Variants in WRN observed in about 807,000 individuals in gnomAD.
The protein encoded by WRN is bifunctional 3'-5' exonuclease/ATP-dependent helicase WRN.
In WRN, 149 loss-of-function variants were observed where a neutral mutation model predicts 180.7. The ratio of observed to expected loss-of-function variants is 0.82; its 90% confidence interval spans 0.72 to 0.94. The LOEUF (loss-of-function observed/expected upper bound fraction) is 0.94, where lower values mean the gene tolerates loss of function less well. WRN is among the 40% of genes least tolerant of loss of function. The pLI, the probability that WRN is intolerant of heterozygous loss-of-function variation, is 0.00. For missense variants in WRN, 1,661 were observed against 1,700.1 expected, an observed-to-expected ratio of 0.98 and a Z score of 0.40; for synonymous variants, 548 against 568.9, an observed-to-expected ratio of 0.96 and a Z score of 0.52.
At chr8:31,060,657 A>T (rs1304890014) in intron 3 of WRN, among the ~76,000 whole-genome samples, 1 of 152,210 alleles carries the variant, frequency 6.6e-6, no homozygotes, top group Non-Finnish European at 1.5e-5. Flanking sequence ...TACTACAGTT[A>T]TCTGGCCACT....
In WRN at chr8:31,114,934, C is replaced by T. The variant is rs1021955413; in HGVS notation, c.2274-1420C>T. Among the ~76,000 whole-genome samples, 19 of 142,734 alleles carry T rather than the reference C, an allele frequency of 1.3e-4. 1 individual carries two copies. Among genetic ancestry groups the T allele is most frequent in the African/African-American group, 3.1e-4 (12 of 38,496 alleles). The allele number at this position is 142,734 out of a possible 152,430, so 93.6% of individuals were successfully genotyped here. A position where few individuals can be genotyped will look rare whatever the true frequency, so the allele number is the denominator to read the frequency against. ...TTTTTGACATGGAGTCTTGCTCTGT[C>T]GCCCAGGCTGTAATGCAGTGGCGGG... On this transcript the variant is annotated intron_variant, in intron 19 of 34. Transcript: ENST00000298139.
rs565541994 is a variant in WRN, at chr8:31,152,093, A to T, written c.3687+1638A>T. Among the ~76,000 whole-genome samples the T allele has an allele frequency of 2.0e-5, 3 of 152,310 alleles. No individual in the cohort carries two copies. In the East Asian group the frequency reaches 5.8e-4, roughly 29 times the overall value. On this transcript the variant is annotated intron_variant, in intron 31 of 34. Transcript: ENST00000298139. Reference sequence around the variant, plus strand: ...GTAATGATATAATCCATAAATGTACAATTAAAGAGTTTAAGGATATCCAAA... The same window carrying T: ...GTAATGATATAATCCATAAATGTACTATTAAAGAGTTTAAGGATATCCAAA...
At position 31,163,670 on chromosome 8, in the gene WRN, A is replaced by G. The variant is rs1803725787; in HGVS notation, c.3983-3352A>G. Among the ~76,000 whole-genome samples, 4 of 152,260 alleles carry G rather than the reference A, an allele frequency of 2.6e-5. No individual in the cohort carries two copies. The South Asian group carries it at 8.3e-4, about 32-fold the overall frequency. On this transcript the variant is annotated intron_variant, in intron 33 of 34. Transcript: ENST00000298139. ...TTTAAATACCCCTTACCTTTAAAGT[A>G]AGAAATATTAAAATCAAGCAGAATA...
At position 31,096,865 on chromosome 8, in the gene WRN, A is replaced by G. The variant is rs1302856718; in HGVS notation, c.1981+15A>G. The G allele has an allele frequency of 6.2e-7, 1 of 1,606,164 alleles. No homozygotes were observed. The highest frequency in any genetic ancestry group is 1.1e-5 in the South Asian group (1 of 90,922). On this transcript the variant is annotated intron_variant, in intron 17 of 34. Coordinates refer to ENST00000298139, the MANE Select transcript of WRN (RefSeq NM_000553.6). ...GGCTGATATTGGTAAGTGATAAAGA[A>G]AGATCTCTGTAAATACTTACTGAGT...
Position 31,124,624 on chromosome 8 carries a change from G to C in WRN, c.2732+1G>C, listed in dbSNP as rs1047229701. 1.2e-6 allele frequency: 2 copies of C among 1,603,536 alleles called. No homozygotes were observed. Among genetic ancestry groups the C allele is most frequent in the Non-Finnish European group, 1.7e-6 (2 of 1,170,856 alleles). ...TTCATTCTAGCAGATGTAGGAGACA[G>C]TATGTATTATTTATTTTATGCCAAT... On this transcript the variant is annotated splice_donor_variant, in intron 22 of 34. Coordinates refer to ENST00000298139, the MANE Select transcript of WRN (RefSeq NM_000553.6). LOFTEE classifies it high-confidence loss of function.
chr8:31,120,550 A>AG (rs1189063679), intron 21 of WRN, 126 bp downstream of exon 21: 1 of 991,454 alleles, frequency 1.0e-6, no homozygotes, highest in Non-Finnish European at 1.4e-6. Flanking sequence ...GTAAAAAAAA[A>AG]AAAAAAGAAA....
At chr8:31,146,971 C>T (rs1474732397) in intron 28 of WRN, 82 bp from the exon 29 acceptor site, 1 of 1,176,552 alleles carries the variant, frequency 8.5e-7, no homozygotes, top group South Asian at 1.4e-5. Context: ...TTTGGAAAGA[C>T]ATTCTCATTT....
intron 4 of WRN, among the ~76,000 whole-genome samples, 187 bp from the exon 5 acceptor site, chr8:31,064,728 A>AT (rs1185113132): frequency 6.6e-6 from 1 of 152,104 alleles, no homozygotes; most frequent in African/African-American, 2.4e-5. Flanking sequence ...CAAACTGATT[A>AT]TTTTTTCTTG....
At chr8:31,142,756 T>C in intron 27 of WRN, 55 bp downstream of exon 27, 1 of 1,433,096 alleles carries the variant, frequency 7.0e-7, no homozygotes, top group Non-Finnish European at 9.6e-7. Flanking sequence ...ATTCAAATTC[T>C]GTTTAAAATT....
rs748976035 is a variant in WRN, at chr8:31,067,055, G to A, written c.527G>A (p.Ser176Asn). The A allele has an allele frequency of 6.2e-7, 1 of 1,613,792 alleles. No homozygotes were observed. The highest frequency in any genetic ancestry group is 8.5e-7 in the Non-Finnish European group (1 of 1,179,926). ...NKKLKCTETWSLNSLVKHLLG... is the reference protein window; with the variant it reads ...NKKLKCTETWNLNSLVKHLLG... Reference sequence around the variant, plus strand: ...TAGCTGAAATGCACAGAGACCTGGAGCCTTAACAGTCTGGTTAAACACCTC... The same window carrying A: ...TAGCTGAAATGCACAGAGACCTGGAACCTTAACAGTCTGGTTAAACACCTC... The change falls in exon 6 of 35, where the codon AGC becomes AAC. Residue 176 changes from serine to asparagine, a missense_variant. Ser to Asn is a conservative substitution (Grantham distance 46). Coordinates refer to ENST00000298139, the MANE Select transcript of WRN (RefSeq NM_000553.6).
intron 27 of WRN, among the ~76,000 whole-genome samples, chr8:31,143,024 G>GACACACACACACACACACAC (rs10529735): frequency 4.4e-5 from 6 of 136,608 alleles, no homozygotes; most frequent in Non-Finnish European, 9.6e-5. Context: ...TCTTATTAAA[G>GACACACACACACACACACAC]ACACACACAC....
chr8:31,125,252 A>T (rs1179792811), intron 23 of WRN, among the ~76,000 whole-genome samples: 1 of 151,688 alleles, frequency 6.6e-6, no homozygotes, highest in Non-Finnish European at 1.5e-5. Context: ...TATTATTTAA[A>T]GGCGTAAATT....
chr8:31,157,640 C>A, intron 33 of WRN, 110 bp downstream of exon 33: 1 of 1,411,940 alleles, frequency 7.1e-7, no homozygotes, highest in Non-Finnish European at 9.7e-7. Flanking sequence ...ATTATGAAAA[C>A]CTTACTTTTG....
Position 31,090,877 on chromosome 8 carries a change from A to T in WRN, c.1764A>T (p.Val588=), listed in dbSNP as rs1585440824. ...SLCFQYPPVY[V]GKIGLVISPL... ...GCTTCCAGTATCCACCTGTTTATGTAGGCAAGATTGGCCTTGTTATCTCTC... is the reference window on the plus strand; with the variant it reads ...GCTTCCAGTATCCACCTGTTTATGTTGGCAAGATTGGCCTTGTTATCTCTC... Residue 588 remains valine, a synonymous_variant, in exon 15 of 35, where the codon GTA becomes GTT. Transcript: ENST00000298139. 5.0e-6 allele frequency: 8 copies of T among 1,612,928 alleles called. No homozygotes were observed. Among genetic ancestry groups the T allele is most frequent in the Non-Finnish European group, 6.8e-6 (8 of 1,179,246 alleles).
intron 8 of WRN, among the ~76,000 whole-genome samples, chr8:31,077,281 C>T (rs1201714444): frequency 1.3e-5 from 2 of 151,984 alleles, no homozygotes; most frequent in Non-Finnish European, 2.9e-5. Flanking sequence ...CGCTTTGTTG[C>T]CCAGGCTGGA....
intron 1 of WRN, among the ~76,000 whole-genome samples, chr8:31,035,840 C>G (rs950690844): frequency 6.6e-6 from 1 of 152,076 alleles, no homozygotes; most frequent in Non-Finnish European, 1.5e-5. Context: ...ATCACAATTA[C>G]CTTTAGGACT....
chr8:31,100,835 T>G lies in WRN; in HGVS notation c.1982-14T>G. ...GCTTTATCTTTTCCTTTATGTGTTT[T>G]TCTTTTTTTACAGGTATCACGCTCA... On this transcript the variant is annotated splice_polypyrimidine_tract_variant and intron_variant, in intron 17 of 34. Transcript: ENST00000298139. 6.8e-7 allele frequency: 1 copy of G among 1,463,908 alleles called. No homozygotes were observed. Among genetic ancestry groups the G allele is most frequent in the Non-Finnish European group, 9.0e-7 (1 of 1,109,714 alleles). 90.7% of individuals were successfully genotyped at this position (1,463,908 alleles called of 1,614,324 possible). A position where few individuals can be genotyped will look rare whatever the true frequency, so the allele number is the denominator to read the frequency against.
At position 31,066,497 on chromosome 8, in the gene WRN, C is replaced by T. The variant is rs567986143; in HGVS notation, c.505-536C>T. On this transcript the variant is annotated intron_variant, in intron 5 of 34. Transcript: ENST00000298139. ...TTTAAGCAAGCCTTCTCTTTTCCTTCCTCCCAGTTCTTGGTACTCTTTCAC... is the reference window on the plus strand; with the variant it reads ...TTTAAGCAAGCCTTCTCTTTTCCTTTCTCCCAGTTCTTGGTACTCTTTCAC... Among the ~76,000 whole-genome samples the T allele has an allele frequency of 2.0e-5, 3 of 152,188 alleles. No homozygotes were observed. In the South Asian group the frequency reaches 6.2e-4, roughly 32 times the overall value.
chr8:31,111,840 T>C (rs1801332593), intron 19 of WRN, 41 bp downstream of exon 19: 2 of 443,694 alleles, frequency 4.5e-6, no homozygotes, highest in South Asian at 8.7e-5. Context: ...AATGATTTCC[T>C]TTTTTTTTTT....
Sources: gnomAD v4.1 joint callset for allele counts (sites outside exome capture counted in the v4.1 genomes callset) on GRCh38, gnomAD v4.1.1 for gene constraint, MANE v1.5 for transcripts, NCBI Gene and HGNC (gene_info 2026-07-23, HGNC 2026-07-21) for gene names.